Variants in PLRG1 observed in about 807,000 individuals in gnomAD.
PLRG1 encodes pleiotropic regulator 1.
A neutral mutation model predicts 74.9 loss-of-function variants in PLRG1; 28 were observed. The observed-to-expected ratio is 0.37, with a 90% CI of 0.28 to 0.51. The LOEUF (loss-of-function observed/expected upper bound fraction) is 0.51, where lower values mean the gene tolerates loss of function less well. Ranked by LOEUF, PLRG1 falls within the 20% of genes least tolerant of loss-of-function variation. The pLI is 0.91. For missense variants in PLRG1, 445 were observed against 631.9 expected (o/e 0.70, Z 3.17); for synonymous variants, 197 against 212.4 (o/e 0.93, Z 0.63).
chr4:154,539,031 T>C, intron 12 of PLRG1, 74 bp downstream of exon 12: 1 of 891,910 alleles, frequency 1.1e-6, no homozygotes, highest in Non-Finnish European at 1.9e-6. Context: ...AAAGCAGTGC[T>C]AACACCACTA....
chr4:154,545,499 C>T lies in PLRG1; in HGVS notation c.492+337G>A, dbSNP rs533685836. 1.3e-3 allele frequency among the ~76,000 whole-genome samples: 184 copies of T among 145,714 alleles called. 1 individual carries two copies. Among genetic ancestry groups the T allele is most frequent in the African/African-American group, 4.4e-3 (172 of 39,284 alleles). The stretch of plus-strand genomic sequence containing the variant: ...ACAGCACTCAAGATAACTGTACACA[C>T]CAACTTAAAATTTAATAAAAAAAAA... On this transcript the variant is annotated intron_variant, in intron 6 of 14. Coordinates refer to ENST00000499023, the MANE Select transcript of PLRG1 (RefSeq NM_002669.4).
rs950911246 is a variant in PLRG1 at position 154,535,742 on chromosome 4, G to C, written c.*943C>G. ...TTTAAAACTTCTCTTTAAAATCTCCGCAAGATTGCAGCCCTTGCTACAGCT... is the reference window on the plus strand; with the variant it reads ...TTTAAAACTTCTCTTTAAAATCTCCCCAAGATTGCAGCCCTTGCTACAGCT... On this transcript the variant is annotated 3_prime_UTR_variant, in exon 15 of 15. Transcript: ENST00000499023. The C allele has an allele frequency of 6.6e-6, 1 of 151,936 alleles. No individual in the cohort carries two copies. Among genetic ancestry groups the C allele is most frequent in the Non-Finnish European group, 1.5e-5 (1 of 67,962 alleles). 9.4% of individuals were successfully genotyped at this position (151,936 alleles called of 1,614,324 possible). A position where few individuals can be genotyped will look rare whatever the true frequency, so the allele number is the denominator to read the frequency against.
In PLRG1 at chr4:154,546,216, A is replaced by G; in HGVS notation, c.314-3T>C. ...AGTATCTGCTGTCAAAGCAACCCCT[A>G]TTAAAATGAAAAATCAACTTCTTTT... On this transcript the variant is annotated splice_polypyrimidine_tract_variant and splice_region_variant and intron_variant, in intron 4 of 14. Coordinates refer to ENST00000499023, the MANE Select transcript of PLRG1 (RefSeq NM_002669.4). 1 of 1,550,176 alleles carries G rather than the reference A, an allele frequency of 6.5e-7. No individual in the cohort carries two copies. The highest frequency in any genetic ancestry group is 8.9e-7 in the Non-Finnish European group (1 of 1,122,766).
chr4:154,549,676 A>G (rs1467607871), intron 1 of PLRG1: 2 of 456,334 alleles, frequency 4.4e-6, no homozygotes, highest in Admixed American at 2.3e-5. Flanking sequence ...TTTAAACAGA[A>G]CAACTTATAG....
At chr4:154,546,282 A>G (rs1578771039) in intron 4 of PLRG1, 69 bp from the exon 5 acceptor site, 1 of 798,508 alleles carries the variant, frequency 1.3e-6, no homozygotes, top group Non-Finnish European at 2.2e-6. Context: ...TTAAAATAAA[A>G]TGATGAAGGA....
intron 10 of PLRG1, 53 bp from the exon 11 acceptor site, chr4:154,540,106 A>C (rs1729528469): frequency 7.3e-6 from 7 of 955,798 alleles, no homozygotes; most frequent in Non-Finnish European, 1.2e-5. Context: ...TCATTATCTC[A>C]AGAAGATAAC....
At chr4:154,540,217 A>C (rs1316606790) in intron 10 of PLRG1, 164 bp from the exon 11 acceptor site, 6 of 594,846 alleles carry the variant, frequency 1.0e-5, no homozygotes, top group Non-Finnish European at 1.8e-5. Context: ...TGGAGGACGA[A>C]TATAAATAGG....
intron 4 of PLRG1, 125 bp downstream of exon 4, chr4:154,546,886 G>A: frequency 1.3e-6 from 1 of 757,436 alleles, no homozygotes. Context: ...ACAAAGCTAT[G>A]CATGGATGCT....
chr4:154,545,763 T>C, intron 6 of PLRG1, 73 bp downstream of exon 6: 1 of 860,590 alleles, frequency 1.2e-6, no homozygotes, highest in Non-Finnish European at 1.9e-6. Context: ...ATCTTAATAA[T>C]TCCAAAGAAG....
At chr4:154,540,294 T>G in intron 10 of PLRG1, 2 of 582,550 alleles carry the variant, frequency 3.4e-6, no homozygotes, top group South Asian at 4.4e-5. Context: ...ATGAGTATGA[T>G]GGGACTACTT....
intron 8 of PLRG1, among the ~76,000 whole-genome samples, chr4:154,541,371 A>G (rs1729553296): frequency 6.6e-6 from 1 of 152,164 alleles, no homozygotes; most frequent in African/African-American, 2.4e-5. Context: ...GGAATGTACA[A>G]CCAATGTGCT....
intron 3 of PLRG1, 68 bp from the exon 4 acceptor site, chr4:154,547,132 T>G (rs1729673035): frequency 9.0e-7 from 1 of 1,106,822 alleles, no homozygotes; most frequent in Non-Finnish European, 1.4e-6. Context: ...TCTCTTTAAA[T>G]GTATCAAGTA....
chr4:154,545,266 T>C (rs1355034799), intron 6 of PLRG1, among the ~76,000 whole-genome samples: 51 of 152,336 alleles, frequency 3.3e-4, no homozygotes. Context: ...ATCAATTGCA[T>C]AATGAGCTGA....
intron 7 of PLRG1, 74 bp downstream of exon 7, chr4:154,544,371 A>G: frequency 2.3e-6 from 2 of 869,844 alleles, no homozygotes; most frequent in Non-Finnish European, 3.9e-6. Flanking sequence ...TTTCCTCCTT[A>G]TTCTATTCTT....
At chr4:154,549,073 T>C (rs1001113983) in intron 1 of PLRG1, 138 bp from the exon 2 acceptor site, 14 of 643,118 alleles carry the variant, frequency 2.2e-5, no homozygotes, top group African/African-American at 3.6e-5. Flanking sequence ...TGTTGCAAGC[T>C]ACAGGAGTCA....
At chr4:154,537,766 C>T (rs1054627281) in intron 13 of PLRG1, among the ~76,000 whole-genome samples, 1 of 152,002 alleles carries the variant, frequency 6.6e-6, no homozygotes, top group Non-Finnish European at 1.5e-5. Context: ...TAGATGGGAA[C>T]TCAAAGAGGA....
intron 2 of PLRG1, 66 bp downstream of exon 2, chr4:154,548,762 CT>C: frequency 1.2e-6 from 1 of 815,598 alleles, no homozygotes; most frequent in Non-Finnish European, 2.1e-6. Context: ...CTCCCTCTCC[CT>C]GCTCTCTTCC....
chr4:154,550,173 T>C lies in PLRG1; in HGVS notation c.9+127A>G, dbSNP rs1729736376. Reference sequence around the variant, plus strand: ...ACCCGAAGAAGAGACCACTCGGCCTTGGCCAAATAGCTCCCCTCGTAGCCT... The same window carrying C: ...ACCCGAAGAAGAGACCACTCGGCCTCGGCCAAATAGCTCCCCTCGTAGCCT... On this transcript the variant is annotated intron_variant, in intron 1 of 14. Transcript: ENST00000499023. 4.4e-6 allele frequency: 4 copies of C among 907,768 alleles called. No homozygotes were observed. In the South Asian group the frequency reaches 5.4e-5, roughly 12 times the overall value. The allele number at this position is 907,768 out of a possible 1,614,324, so 56.2% of individuals were successfully genotyped here.
intron 1 of PLRG1, among the ~76,000 whole-genome samples, chr4:154,549,940 A>G (rs1049414841): frequency 6.6e-6 from 1 of 152,224 alleles, no homozygotes; most frequent in African/African-American, 2.4e-5. Flanking sequence ...AAGATAGAGA[A>G]GACTACCAAT....
Sources: allele counts gnomAD v4.1 joint callset (sites outside exome capture counted in the v4.1 genomes callset), GRCh38; gene constraint gnomAD v4.1.1; transcripts MANE v1.5; gene names NCBI Gene and HGNC (gene_info 2026-07-23, HGNC 2026-07-21).